Variants in ST8SIA5 observed in about 807,000 individuals in gnomAD.
ST8SIA5 encodes the protein alpha-2,8-sialyltransferase 8E.
Under a neutral mutation model 40.2 loss-of-function variants are expected in ST8SIA5, and 24 were observed. The observed-to-expected ratio is 0.60, with a 90% CI of 0.43 to 0.84. The LOEUF is 0.84. Among genes scored for constraint, ST8SIA5 ranks in the 40% least tolerant of loss-of-function variants. The pLI, the probability that ST8SIA5 is intolerant of heterozygous loss-of-function variation, is 0.00. For synonymous variants in ST8SIA5, 198 were observed against 201.8 expected (o/e 0.98, Z 0.16); for missense variants, 465 against 498.5 (o/e 0.93, Z 0.64).
rs150279449 is a variant in ST8SIA5 at position 46,755,760 on chromosome 18, G to GAA, written c.131+616_131+617dup. The stretch of plus-strand genomic sequence containing the variant: ...CTCTGACCTTTTGCGCTAAGGATGA[G>GAA]AAAAAAAAAGCCATCTGTTTCAGAA... On this transcript the variant is annotated intron_variant, in intron 1 of 6. Transcript: ENST00000315087. Among the ~76,000 whole-genome samples, 3 of 150,672 alleles carry GAA rather than the reference G, an allele frequency of 2.0e-5. No homozygotes were observed. The East Asian group carries it at 5.8e-4, about 29-fold the overall frequency.
chr18:46,687,109 A>G (rs2039456222), intron 4 of ST8SIA5, among the ~76,000 whole-genome samples: 1 of 152,240 alleles, frequency 6.6e-6, no homozygotes, highest in Non-Finnish European at 1.5e-5. Flanking sequence ...CGTGGGCCAC[A>G]TCTGGCCTAC....
At chr18:46,738,132 T>C (rs1220947411) in intron 1 of ST8SIA5, among the ~76,000 whole-genome samples, 1 of 150,758 alleles carries the variant, frequency 6.6e-6, no homozygotes, top group African/African-American at 2.4e-5. Flanking sequence ...GTCCCTAGGG[T>C]AATAGGTAGG....
At chr18:46,696,201 G>C (rs328115) in intron 2 of ST8SIA5, among the ~76,000 whole-genome samples, 35,870 of 152,116 alleles carry the variant, frequency 0.24, 5,496 homozygotes, top group Non-Finnish European at 0.33. Context: ...CACCCTGGCT[G>C]ACAGAAGGCA....
intron 1 of ST8SIA5, among the ~76,000 whole-genome samples, chr18:46,705,687 G>A (rs1312938576): frequency 1.3e-5 from 2 of 152,232 alleles, no homozygotes; most frequent in East Asian, 1.9e-4. Flanking sequence ...TCCTCCTGGC[G>A]GTTGTTCAGA....
At chr18:46,686,834 T>C (rs115534617) in intron 4 of ST8SIA5, among the ~76,000 whole-genome samples, 5,508 of 115,140 alleles carry the variant, frequency 0.048, 416 homozygotes, top group African/African-American at 0.16. Flanking sequence ...AAAAAAAAAA[T>C]AGTCATTTTC....
intron 1 of ST8SIA5, among the ~76,000 whole-genome samples, chr18:46,755,152 A>T (rs2040229663): frequency 6.6e-6 from 1 of 152,106 alleles, no homozygotes; most frequent in Non-Finnish European, 1.5e-5. Context: ...GCTCCGGGGG[A>T]GTTACAAGGA....
At chr18:46,693,656 G>C (rs552589853) in intron 2 of ST8SIA5, among the ~76,000 whole-genome samples, 2 of 152,346 alleles carry the variant, frequency 1.3e-5, no homozygotes, top group African/African-American at 4.8e-5. Flanking sequence ...TTCTAGAACA[G>C]TGCTTAGCAA....
At chr18:46,726,007 A>G (rs1484621817) in intron 1 of ST8SIA5, among the ~76,000 whole-genome samples, 1 of 65,298 alleles carries the variant, frequency 1.5e-5, no homozygotes, top group Non-Finnish European at 2.9e-5. Context: ...ATATATATAT[A>G]TATCCTGGAT....
chr18:46,672,997 A>T lies in ST8SIA5; in HGVS notation c.*7045T>A, dbSNP rs1489091884. 8 of 152,254 alleles carry T rather than the reference A, an allele frequency of 5.3e-5. No homozygotes were observed. Among genetic ancestry groups the T allele is most frequent in the African/African-American group, 1.7e-4 (7 of 41,462 alleles). 9.4% of individuals were successfully genotyped at this position (152,254 alleles called of 1,614,324 possible). A position where few individuals can be genotyped will look rare whatever the true frequency, so the allele number is the denominator to read the frequency against. On this transcript the variant is annotated 3_prime_UTR_variant, in exon 7 of 7. Transcript: ENST00000315087. ...AGAAAGACAAATATTATATGATTCT[A>T]CTTATATGAGGGACCTAGAGCAGTA...
intron 5 of ST8SIA5, among the ~76,000 whole-genome samples, chr18:46,684,197 C>T (rs4890336): frequency 0.25 from 37,643 of 152,054 alleles, 5,376 homozygotes; most frequent in Middle Eastern, 0.41. Context: ...AGACCAGCCC[C>T]TCCGAGGGAG....
rs76402746 is a variant in ST8SIA5 at position 46,737,200 on chromosome 18, A to G, written c.131+19178T>C. 3.3e-5 allele frequency among the ~76,000 whole-genome samples: 5 copies of G among 152,014 alleles called. No homozygotes were observed. In the East Asian group the frequency reaches 9.7e-4, roughly 29 times the overall value. On this transcript the variant is annotated intron_variant, in intron 1 of 6. Coordinates refer to ENST00000315087, the MANE Select transcript of ST8SIA5 (RefSeq NM_013305.6). ...TCAGCCTGTCCCCCAGATATCCCCA[A>G]ATCCAGTCTCTGAGACCCACCAGTT... is the stretch of plus-strand genomic sequence containing the variant.
intron 1 of ST8SIA5, among the ~76,000 whole-genome samples, chr18:46,712,905 G>C (rs1348478863): frequency 2.0e-5 from 3 of 152,226 alleles, no homozygotes; most frequent in African/African-American, 4.8e-5. Flanking sequence ...TCTGGACAGG[G>C]GACATGAATA....
chr18:46,704,702 G>A (rs1486071067), intron 1 of ST8SIA5, 38 bp from the exon 2 acceptor site: 1 of 1,566,612 alleles, frequency 6.4e-7, no homozygotes. Flanking sequence ...AGAGAAGCAG[G>A]TCAGGATGTC....
chr18:46,709,631 T>G (rs2039702829), intron 1 of ST8SIA5, among the ~76,000 whole-genome samples: 1 of 152,288 alleles, frequency 6.6e-6, no homozygotes, highest in Admixed American at 6.5e-5. Context: ...TTTTTTTGTC[T>G]AATGACATAA....
intron 1 of ST8SIA5, among the ~76,000 whole-genome samples, chr18:46,713,167 T>C (rs1214456115): frequency 3.3e-5 from 5 of 151,912 alleles, no homozygotes; most frequent in Admixed American, 6.6e-5. Flanking sequence ...TATTGCAGCA[T>C]GAAAAGACAG....
chr18:46,676,762 A>G lies in ST8SIA5; in HGVS notation c.*3280T>C, dbSNP rs1004700460. 2 of 152,278 alleles carry G rather than the reference A, an allele frequency of 1.3e-5. No individual in the cohort carries two copies. Among genetic ancestry groups the G allele is most frequent in the Non-Finnish European group, 2.9e-5 (2 of 68,058 alleles). The allele number at this position is 152,278 out of a possible 1,614,324, so 9.4% of individuals were successfully genotyped here. The stretch of plus-strand genomic sequence containing the variant: ...GGGAATCGATTTCCCTTGAATAATA[A>G]TTCAATGGGTAGTCTGCACTGCATG... On this transcript the variant is annotated 3_prime_UTR_variant, in exon 7 of 7. Transcript: ENST00000315087.
intron 1 of ST8SIA5, among the ~76,000 whole-genome samples, chr18:46,725,992 T>TCCTGG (rs1329054263): frequency 6.1e-5 from 4 of 65,662 alleles, no homozygotes; most frequent in Non-Finnish European, 8.9e-5. Context: ...TATATATATA[T>TCCTGG]ATATATATAT....
At chr18:46,751,065 C>T (rs890209778) in intron 1 of ST8SIA5, among the ~76,000 whole-genome samples, 2 of 152,192 alleles carry the variant, frequency 1.3e-5, no homozygotes, top group African/African-American at 2.4e-5. Context: ...GCTACCATCA[C>T]CACCATCCAT....
chr18:46,708,181 C>T (rs894104324), intron 1 of ST8SIA5, among the ~76,000 whole-genome samples: 9 of 152,152 alleles, frequency 5.9e-5, no homozygotes, highest in Admixed American at 4.6e-4. Context: ...CCAGTGGATG[C>T]CCCAGGAAGT....
Sources: allele counts gnomAD v4.1 joint callset (sites outside exome capture counted in the v4.1 genomes callset), GRCh38; gene constraint gnomAD v4.1.1; transcripts MANE v1.5; gene names NCBI Gene and HGNC (gene_info 2026-07-23, HGNC 2026-07-21).